GPR55: variants seen among roughly 807,000 people sequenced by gnomAD.
GPR55 encodes G-protein coupled receptor 55.
In GPR55, 6 loss-of-function variants were observed where a neutral mutation model predicts 7.9. That is an observed-to-expected ratio of 0.76 (90% CI 0.41 to 1.49). GPR55 has a LOEUF of 1.49. GPR55 is among the 40% of genes most tolerant of loss of function. The pLI, the probability that GPR55 is intolerant of heterozygous loss-of-function variation, is 0.01. For synonymous variants in GPR55, 183 were observed against 166.8 expected, an observed-to-expected ratio of 1.10 and a Z score of -0.75; for missense variants, 376 against 406.0, an observed-to-expected ratio of 0.93 and a Z score of 0.63.
intron 1 of GPR55, among the ~76,000 whole-genome samples, chr2:230,958,251 AT>A (rs987567510): frequency 3.3e-5 from 5 of 152,186 alleles, no homozygotes; most frequent in South Asian, 2.1e-4. Flanking sequence ...ACTTTAAAAA[AT>A]TTTTTTAAAT....
chr2:230,947,662 C>T (rs1204168671), intron 1 of GPR55, among the ~76,000 whole-genome samples: 2 of 151,870 alleles, frequency 1.3e-5, no homozygotes, highest in Non-Finnish European at 1.5e-5. Context: ...CACCACCATG[C>T]CAGGCTAATT....
intron 1 of GPR55, among the ~76,000 whole-genome samples, chr2:230,958,464 T>C (rs190956307): frequency 2.8e-5 from 4 of 144,882 alleles, no homozygotes; most frequent in Admixed American, 6.7e-5. Context: ...CACCCTGTTG[T>C]GCTATCAAAA....
In GPR55 at chr2:230,910,099, G is replaced by T; in HGVS notation, c.864C>A (p.Tyr288Ter). Residue 288 changes from tyrosine to a stop codon, truncating the protein, a stop_gained, in exon 2 of 2, where the codon TAC becomes TAA. Coordinates refer to ENST00000650999, the MANE Select transcript of GPR55 (RefSeq NM_005683.4). LOFTEE classifies it high-confidence loss of function. The surrounding 1 kb of genome is among the most constrained non-coding windows in gnomAD (Gnocchi z 5.4). ...TGCGGAATTCTTTGATGACAAAGTA[G>T]TAGCAGAAAACATCCAGGCAGCAGT... Reference protein sequence around the residue: ...NVNCCLDVFCYYFVIKEFRMN... With the variant: ...NVNCCLDVFC 6.2e-7 allele frequency: 1 copy of T among 1,614,164 alleles called. No homozygotes were observed. Among genetic ancestry groups the T allele is most frequent in the South Asian group, 1.1e-5 (1 of 91,084 alleles).
chr2:230,932,867 GCTCTCT>G (rs144563608), intron 1 of GPR55, among the ~76,000 whole-genome samples: 4 of 150,278 alleles, frequency 2.7e-5, no homozygotes, highest in African/African-American at 9.8e-5. Context: ...CAGGACTGCT[GCTCTCT>G]CTCTCTCTCT....
rs796190952 is a variant in GPR55 at position 230,951,840 on chromosome 2, C to T, written c.-135+8935G>A. Among the ~76,000 whole-genome samples the T allele has an allele frequency of 1.9e-4, 28 of 151,074 alleles. 1 individual carries two copies. The highest frequency in any genetic ancestry group is 6.8e-4 in the African/African-American group (28 of 41,114). The stretch of plus-strand genomic sequence containing the variant: ...ATGGCACAATCATGGCTCACTGCAA[C>T]CTTAACATCCTGGGCTCAGATGATC... On this transcript the variant is annotated intron_variant, in intron 1 of 1. Coordinates refer to the GPR55 transcript ENST00000392039.
At chr2:230,949,153 T>TTTTGTTTGTTTG (rs200391901) in intron 1 of GPR55, among the ~76,000 whole-genome samples, 122 of 151,468 alleles carry the variant, frequency 8.1e-4, no homozygotes, top group South Asian at 1.7e-3. Flanking sequence ...ATGGCTCTTT[T>TTTTGTTTGTTTG]TTTGTTTGTT....
chr2:230,934,675 G>T (rs1223316218), intron 1 of GPR55, among the ~76,000 whole-genome samples: 1 of 152,190 alleles, frequency 6.6e-6, no homozygotes, highest in Non-Finnish European at 1.5e-5. Flanking sequence ...CCTCGGGGTG[G>T]CCCTGTTTGC....
chr2:230,925,312 C>A (rs371949236), upstream of GPR55: 3 of 152,746 alleles, frequency 2.0e-5, no homozygotes, highest in East Asian at 3.9e-4. Context: ...GGACCAGATG[C>A]TCTTTGAGCC....
At chr2:230,931,235 C>T (rs1216333693) in intron 1 of GPR55, among the ~76,000 whole-genome samples, 1 of 152,244 alleles carries the variant, frequency 6.6e-6, no homozygotes, top group Non-Finnish European at 1.5e-5. Flanking sequence ...ACGTCATTGC[C>T]AATGGTGACA....
intron 1 of GPR55, among the ~76,000 whole-genome samples, chr2:230,933,014 G>C (rs562737207): frequency 2.6e-5 from 4 of 152,134 alleles, no homozygotes; most frequent in African/African-American, 9.7e-5. Context: ...CTTTGGCAAC[G>C]ATGAAGGGAA....
upstream of GPR55, among the ~76,000 whole-genome samples, chr2:230,928,310 G>T (rs1308409746): frequency 6.6e-6 from 1 of 152,144 alleles, no homozygotes; most frequent in African/African-American, 2.4e-5. Context: ...GCGTCAGAGT[G>T]TCTGAAAGAA....
chr2:230,944,820 C>T lies in GPR55; in HGVS notation c.-135+15955G>A, dbSNP rs1333753689. On this transcript the variant is annotated intron_variant, in intron 1 of 1. Coordinates refer to the GPR55 transcript ENST00000392039. The surrounding 1 kb of genome is among the most constrained non-coding windows in gnomAD (Gnocchi z 4.2). Reference sequence around the variant, plus strand: ...GCCACGGTATCAAAGACAAGGAAGGCCCATTGCCTGCCCTCATGCTGGTTG... The same window carrying T: ...GCCACGGTATCAAAGACAAGGAAGGTCCATTGCCTGCCCTCATGCTGGTTG... Among the ~76,000 whole-genome samples, 1 of 152,222 alleles carries T rather than the reference C, an allele frequency of 6.6e-6. No individual in the cohort carries two copies. Among genetic ancestry groups the T allele is most frequent in the Non-Finnish European group, 1.5e-5 (1 of 68,040 alleles).
chr2:230,913,627 G>A (rs896880938), intron 1 of GPR55, among the ~76,000 whole-genome samples: 1 of 151,200 alleles, frequency 6.6e-6, no homozygotes, highest in Non-Finnish European at 1.5e-5. Context: ...GTGTGTAGGA[G>A]TAACTGGTCC....
chr2:230,925,464 C>A (rs1310554747), upstream of GPR55, among the ~76,000 whole-genome samples: 2 of 151,996 alleles, frequency 1.3e-5, no homozygotes, highest in Non-Finnish European at 1.5e-5. Flanking sequence ...ATCTGCACGC[C>A]CCCCTCCCGC....
At chr2:230,955,047 A>G (rs755603251) in intron 1 of GPR55, among the ~76,000 whole-genome samples, 1 of 152,246 alleles carries the variant, frequency 6.6e-6, no homozygotes, top group Non-Finnish European at 1.5e-5. Flanking sequence ...GGACAGAGTC[A>G]TCTTTTGAAT....
chr2:230,931,092 G>A (rs1273819062), intron 1 of GPR55, among the ~76,000 whole-genome samples: 1 of 152,112 alleles, frequency 6.6e-6, no homozygotes, highest in Non-Finnish European at 1.5e-5. Flanking sequence ...GCTTTGTCCT[G>A]AGAGCCTTAC....
chr2:230,937,732 T>C (rs1574631014), intron 1 of GPR55, among the ~76,000 whole-genome samples: 1 of 152,146 alleles, frequency 6.6e-6, no homozygotes, highest in Non-Finnish European at 1.5e-5. Flanking sequence ...CCCTGGCTCA[T>C]TCAAAAAGAC....
chr2:230,948,638 TC>T (rs1691354072), intron 1 of GPR55, among the ~76,000 whole-genome samples: 1 of 152,238 alleles, frequency 6.6e-6, no homozygotes, highest in African/African-American at 2.4e-5. Flanking sequence ...AGATATTCCT[TC>T]CATGCCAGTG....
chr2:230,937,094 G>T, intron 1 of GPR55, among the ~76,000 whole-genome samples: 1 of 152,058 alleles, frequency 6.6e-6, no homozygotes, highest in South Asian at 2.1e-4. Context: ...TGTACGACTG[G>T]AAACATTAAG....
Sources: allele counts gnomAD v4.1 joint callset (sites outside exome capture counted in the v4.1 genomes callset), GRCh38; gene constraint gnomAD v4.1.1; non-coding constraint Gnocchi (gnomAD v3.1); transcripts MANE v1.5; gene names NCBI Gene and HGNC (gene_info 2026-07-23, HGNC 2026-07-21).